The following LMX1A variants were observed in gnomAD, a reference collection of about 807,000 sequenced individuals.
LMX1A encodes the protein LIM homeobox transcription factor 1 alpha, also known as LIM homeobox transcription factor 1-alpha.
Under a neutral mutation model 49.1 loss-of-function variants are expected in LMX1A, and 15 were observed. That is an observed-to-expected ratio of 0.31 (90% CI 0.20 to 0.47). LMX1A has a LOEUF of 0.47. Ranked by LOEUF, LMX1A falls within the 20% of genes least tolerant of loss-of-function variation. LMX1A has a pLI of 1.00. For synonymous variants in LMX1A, 167 were observed against 185.7 expected, an observed-to-expected ratio of 0.90 and a Z score of 0.82; for missense variants, 372 against 475.8, an observed-to-expected ratio of 0.78 and a Z score of 2.03.
chr1:165,335,512 G>GT (rs1451788545), intron 3 of LMX1A, among the ~76,000 whole-genome samples: 1 of 151,784 alleles, frequency 6.6e-6, no homozygotes, highest in Non-Finnish European at 1.5e-5. Flanking sequence ...AATACAGTAT[G>GT]ATTTAAGAGG....
intron 3 of LMX1A, among the ~76,000 whole-genome samples, chr1:165,309,076 A>G (rs1286713428): frequency 6.6e-6 from 1 of 152,016 alleles, no homozygotes; most frequent in Non-Finnish European, 1.5e-5. Flanking sequence ...GAGTCAAGAC[A>G]TTCCTTGGGT....
chr1:165,208,138 A>T lies in LMX1A; in HGVS notation c.748-6T>A, dbSNP rs766949265. 1 of 1,613,770 alleles carries T rather than the reference A, an allele frequency of 6.2e-7. No homozygotes were observed. On this transcript the variant is annotated splice_region_variant and splice_polypyrimidine_tract_variant and intron_variant, in intron 6 of 8. Transcript: ENST00000342310. ...CGCCTGGCCAGCTTCTTCATCTGATAAGGAGAGGACCATAGGATTAGAAGT... is the reference window on the plus strand; with the variant it reads ...CGCCTGGCCAGCTTCTTCATCTGATTAGGAGAGGACCATAGGATTAGAAGT...
chr1:165,215,584 T>C (rs890373715), intron 4 of LMX1A, among the ~76,000 whole-genome samples: 2 of 152,186 alleles, frequency 1.3e-5, no homozygotes, highest in African/African-American at 2.4e-5. Flanking sequence ...GCCTATGCTG[T>C]TTTAGTGTAG....
At chr1:165,352,417 A>T (rs1024244722) in intron 3 of LMX1A, among the ~76,000 whole-genome samples, 74 of 152,164 alleles carry the variant, frequency 4.9e-4, no homozygotes, top group African/African-American at 1.7e-3. Context: ...GGCCCCAACT[A>T]CTGTCCTAAA....
At chr1:165,239,248 C>T (rs1652561174) in intron 4 of LMX1A, among the ~76,000 whole-genome samples, 1 of 152,142 alleles carries the variant, frequency 6.6e-6, no homozygotes, top group Non-Finnish European at 1.5e-5. Context: ...ATTGTGTGAA[C>T]ACATTTTCAA....
chr1:165,223,994 T>C (rs1480466928), intron 4 of LMX1A, among the ~76,000 whole-genome samples: 1 of 152,188 alleles, frequency 6.6e-6, no homozygotes, highest in Non-Finnish European at 1.5e-5. Context: ...CCAAATCTCA[T>C]GTTGAATTGT....
At chr1:165,269,257 T>C (rs1303819308) in intron 3 of LMX1A, among the ~76,000 whole-genome samples, 3 of 152,252 alleles carry the variant, frequency 2.0e-5, no homozygotes, top group African/African-American at 7.2e-5. Context: ...TCAGCTTCCC[T>C]AAGGTTTGTT....
intron 3 of LMX1A, among the ~76,000 whole-genome samples, chr1:165,343,972 T>G (rs566712940): frequency 6.6e-6 from 1 of 152,214 alleles, no homozygotes; most frequent in Admixed American, 6.5e-5. Context: ...ATTCTCCCAA[T>G]TTGACAGCTA....
At chr1:165,309,222 C>T (rs1292478568) in intron 3 of LMX1A, among the ~76,000 whole-genome samples, 1 of 152,232 alleles carries the variant, frequency 6.6e-6, no homozygotes, top group Middle Eastern at 3.4e-3. Flanking sequence ...TCCCCACCCC[C>T]AGCCCTTGGC....
chr1:165,258,135 T>G (rs2102645689), intron 3 of LMX1A, among the ~76,000 whole-genome samples: 1 of 152,338 alleles, frequency 6.6e-6, no homozygotes, highest in Admixed American at 6.5e-5. Flanking sequence ...CATAGCAGCA[T>G]TCATTCAGTG....
At chr1:165,288,447 GA>G (rs1654359189) in intron 3 of LMX1A, among the ~76,000 whole-genome samples, 2 of 152,110 alleles carry the variant, frequency 1.3e-5, no homozygotes, top group African/African-American at 2.4e-5. Context: ...ATGTGTGAGC[GA>G]ACAGCAGGCA....
intron 3 of LMX1A, among the ~76,000 whole-genome samples, chr1:165,324,458 T>C (rs1399076419): frequency 6.6e-6 from 1 of 152,172 alleles, no homozygotes; most frequent in African/African-American, 2.4e-5. Context: ...AAAGAAGCTG[T>C]GAGTGAAATT....
intron 3 of LMX1A, among the ~76,000 whole-genome samples, chr1:165,304,343 G>A (rs1399308510): frequency 1.3e-5 from 2 of 152,048 alleles, no homozygotes; most frequent in Non-Finnish European, 1.5e-5. Context: ...GAAAGAAAAA[G>A]GAACTCAATA....
intron 3 of LMX1A, among the ~76,000 whole-genome samples, chr1:165,277,567 A>G (rs1214957965): frequency 6.6e-6 from 1 of 152,190 alleles, no homozygotes; most frequent in Non-Finnish European, 1.5e-5. Flanking sequence ...GTGCCATATA[A>G]ATTGTGCAAA....
Position 165,205,054 on chromosome 1 carries a change from G to A in LMX1A, c.988+810C>T, listed in dbSNP as rs117162451. On this transcript the variant is annotated intron_variant, in intron 8 of 8. Coordinates refer to ENST00000342310, the MANE Select transcript of LMX1A (RefSeq NM_177398.4). The stretch of plus-strand genomic sequence containing the variant: ...TTTGGCAAAATCTGTGATCTGTGGC[G>A]TGAATCTCTGATACTAATGTTTTGA... 7.9e-5 allele frequency among the ~76,000 whole-genome samples: 12 copies of A among 152,218 alleles called. No individual in the cohort carries two copies. In the East Asian group the frequency reaches 1.7e-3, roughly 22 times the overall value.
chr1:165,336,708 C>T (rs1911269), intron 3 of LMX1A, among the ~76,000 whole-genome samples: 136,178 of 152,142 alleles, frequency 0.9, 61,191 homozygotes, highest in Middle Eastern at 0.95. Flanking sequence ...CTTGGAATCA[C>T]CCTTCTGTCT....
chr1:165,351,328 G>C (rs975893839), intron 3 of LMX1A, among the ~76,000 whole-genome samples: 1 of 152,138 alleles, frequency 6.6e-6, no homozygotes, highest in Non-Finnish European at 1.5e-5. Flanking sequence ...AAAAGCTTTC[G>C]ATGAAAAGCG....
chr1:165,245,382 T>C (rs1465520565), intron 4 of LMX1A, among the ~76,000 whole-genome samples: 1 of 152,222 alleles, frequency 6.6e-6, no homozygotes, highest in Admixed American at 6.5e-5. Flanking sequence ...TGACCCTTTA[T>C]CAGACACAGT....
chr1:165,232,239 T>A lies in LMX1A; in HGVS notation c.496+17169A>T, dbSNP rs114087644. Among the ~76,000 whole-genome samples the A allele has an allele frequency of 1.1e-3, 165 of 150,030 alleles. 1 individual carries two copies. The highest frequency in any genetic ancestry group is 4.7e-3 in the South Asian group (22 of 4,700). ...CTTGCCACTTTGAAGGAGATCTACA[T>A]CCCTGTCCTGAGCCCTTTCCTTTGG... On this transcript the variant is annotated intron_variant, in intron 4 of 8. Transcript: ENST00000342310.
Sources: gnomAD v4.1 joint callset for allele counts (sites outside exome capture counted in the v4.1 genomes callset) on GRCh38, gnomAD v4.1.1 for gene constraint, MANE v1.5 for transcripts, NCBI Gene and HGNC (gene_info 2026-07-23, HGNC 2026-07-21) for gene names.